The following C12orf42 variants were observed in gnomAD, a reference collection of about 807,000 sequenced individuals.
C12orf42 encodes chromosome 12 open reading frame 42, also known as uncharacterized protein C12orf42.
Under a neutral mutation model 21.6 loss-of-function variants are expected in C12orf42, and 25 were observed. The ratio of observed to expected loss-of-function variants is 1.16; its 90% CI spans 0.84 to 1.62. The LOEUF (loss-of-function observed/expected upper bound fraction) is 1.62. Ranked by LOEUF, C12orf42 falls within the 40% of genes most tolerant of loss-of-function variation. C12orf42 has a pLI of 0.00. For missense variants in C12orf42, 483 were observed against 459.3 expected, an observed-to-expected ratio of 1.05 and a Z score of -0.47; for synonymous variants, 174 against 175.0, an observed-to-expected ratio of 0.99 and a Z score of 0.05.
intron 4 of C12orf42, among the ~76,000 whole-genome samples, chr12:103,329,919 T>C (rs1182903318): frequency 6.6e-6 from 1 of 151,980 alleles, no homozygotes; most frequent in African/African-American, 2.4e-5. Context: ...CACTGACATA[T>C]CTGTATTATA....
At chr12:103,469,352 T>A (rs1953403029) in intron 2 of C12orf42, among the ~76,000 whole-genome samples, 3 of 152,252 alleles carry the variant, frequency 2.0e-5, no homozygotes, top group Admixed American at 2.0e-4. Context: ...ACATTCATTA[T>A]AGATTTTTGA....
chr12:103,393,432 A>G (rs2047241926), intron 3 of C12orf42, among the ~76,000 whole-genome samples: 1 of 152,140 alleles, frequency 6.6e-6, no homozygotes, highest in African/African-American at 2.4e-5. Flanking sequence ...CATAACCCAA[A>G]CACCTCCCAC....
intron 1 of C12orf42, among the ~76,000 whole-genome samples, chr12:103,484,851 G>C (rs1199031728): frequency 2.7e-5 from 4 of 148,646 alleles, no homozygotes; most frequent in Admixed American, 1.4e-4. Context: ...GTAAGGAAGG[G>C]ATCTGGTTTC....
At chr12:103,123,317 TC>T in the C12orf42 span, among the ~76,000 whole-genome samples, 1 of 152,136 alleles carries the variant, frequency 6.6e-6, no homozygotes. Context: ...GTCATTCAAA[TC>T]CTCAGACTGA....
chr12:103,400,480 G>A (rs12321397), intron 3 of C12orf42, among the ~76,000 whole-genome samples: 1 of 152,172 alleles, frequency 6.6e-6, no homozygotes, highest in East Asian at 1.9e-4. Context: ...GGGAGTCATG[G>A]AATCCCTCAG....
chr12:103,343,272 CT>C (rs2042313882), intron 4 of C12orf42, among the ~76,000 whole-genome samples: 1 of 152,088 alleles, frequency 6.6e-6, no homozygotes, highest in African/African-American at 2.4e-5. Flanking sequence ...TGATTAACTA[CT>C]TTTTTGCCCT....
the C12orf42 span, among the ~76,000 whole-genome samples, chr12:103,538,411 C>T: frequency 2.2e-4 from 34 of 152,350 alleles, no homozygotes; most frequent in Non-Finnish European, 4.0e-4. Context: ...AATCCTTCCA[C>T]GTTTTCCTCT....
chr12:103,505,501 A>C, the C12orf42 span: 1 of 391,014 alleles, frequency 2.6e-6, no homozygotes, highest in Non-Finnish European at 4.8e-6. Context: ...TAGGGACGGC[A>C]TTTACTGGTA....
intron 3 of C12orf42, among the ~76,000 whole-genome samples, chr12:103,374,438 C>T (rs1234009141): frequency 6.6e-6 from 1 of 152,122 alleles, no homozygotes; most frequent in South Asian, 2.1e-4. Flanking sequence ...AGCTATTTCA[C>T]CAGCATGAGG....
chr12:103,295,747 AAT>A (rs1307170157), intron 4 of C12orf42, among the ~76,000 whole-genome samples: 1 of 152,198 alleles, frequency 6.6e-6, no homozygotes, highest in African/African-American at 2.4e-5. Flanking sequence ...TTAGTCATAA[AAT>A]AATGATTTGA....
At chr12:103,179,127 C>T in the C12orf42 span, among the ~76,000 whole-genome samples, 1 of 152,132 alleles carries the variant, frequency 6.6e-6, no homozygotes, top group East Asian at 1.9e-4. Context: ...CTAATTCATA[C>T]CCCAAACTTG....
chr12:103,483,192 G>C (rs993331271), intron 1 of C12orf42, among the ~76,000 whole-genome samples: 3 of 152,052 alleles, frequency 2.0e-5, no homozygotes, highest in African/African-American at 7.2e-5. Context: ...CACCAAGAGT[G>C]AACTCTAATG....
the C12orf42 span, among the ~76,000 whole-genome samples, chr12:103,521,522 G>A: frequency 6.6e-6 from 1 of 152,106 alleles, no homozygotes; most frequent in African/African-American, 2.4e-5. Context: ...ACACACTGGG[G>A]CCTGTTGGGG....
chr12:103,358,240 A>T (rs1453003317), intron 4 of C12orf42, among the ~76,000 whole-genome samples: 1 of 152,158 alleles, frequency 6.6e-6, no homozygotes, highest in East Asian at 1.9e-4. Context: ...CAAAGGATAG[A>T]GAAATAAACT....
intron 3 of C12orf42, among the ~76,000 whole-genome samples, chr12:103,390,416 C>T (rs2046975926): frequency 6.6e-6 from 1 of 152,148 alleles, no homozygotes. Context: ...TTTTCATCAT[C>T]CCAAACAGAA....
chr12:103,063,050 CT>C, the C12orf42 span, among the ~76,000 whole-genome samples: 1 of 152,120 alleles, frequency 6.6e-6, no homozygotes, highest in Non-Finnish European at 1.5e-5. Context: ...ACATTTGGCA[CT>C]CCTGAAACAC....
intron 4 of C12orf42, among the ~76,000 whole-genome samples, chr12:103,348,058 C>T (rs1207109384): frequency 6.6e-6 from 1 of 152,064 alleles, no homozygotes; most frequent in Non-Finnish European, 1.5e-5. Flanking sequence ...CGAAATATAT[C>T]AATATATCAA....
intron 10 of C12orf42, among the ~76,000 whole-genome samples, chr12:103,254,729 G>A (rs2034471319): frequency 6.6e-6 from 1 of 152,182 alleles, no homozygotes. Context: ...CATGGACACA[G>A]GAAGGGGAAC....
At chr12:103,414,931 G>T (rs567410162) in intron 2 of C12orf42, among the ~76,000 whole-genome samples, 4 of 152,070 alleles carry the variant, frequency 2.6e-5, no homozygotes, top group African/African-American at 4.8e-5. Context: ...TTGAATAAGA[G>T]TGGTGAGAGG....
Sources: allele counts gnomAD v4.1 joint callset (sites outside exome capture counted in the v4.1 genomes callset), GRCh38; gene constraint gnomAD v4.1.1; transcripts MANE v1.5; gene names NCBI Gene and HGNC (gene_info 2026-07-23, HGNC 2026-07-21).